Variants in USP25 observed in about 807,000 individuals in gnomAD.
USP25 encodes ubiquitin carboxyl-terminal hydrolase 25.
Under a neutral mutation model 158.5 loss-of-function variants are expected in USP25, and 85 were observed. The observed-to-expected ratio is 0.54, with a 90% confidence interval of 0.45 to 0.64. The LOEUF (loss-of-function observed/expected upper bound fraction) is 0.64. Among genes scored for constraint, USP25 ranks in the 30% least tolerant of loss-of-function variants. The pLI, the probability that USP25 is intolerant of heterozygous loss-of-function variation, is 0.00. For synonymous variants in USP25, 464 were observed against 460.4 expected (o/e 1.01, Z -0.10); for missense variants, 1,242 against 1,327.3 (o/e 0.94, Z 1.00).
At chr21:15,828,095 A>G (rs894372039) in intron 14 of USP25, among the ~76,000 whole-genome samples, 12 of 152,088 alleles carry the variant, frequency 7.9e-5, no homozygotes, top group South Asian at 4.1e-4. Flanking sequence ...TGATTGTTGG[A>G]TATTATATGA....
rs1279907982 is a variant in USP25 at position 15,762,903 on chromosome 21, T to C, written c.58T>C (p.Phe20Leu). 4 of 1,612,444 alleles carry C rather than the reference T, an allele frequency of 2.5e-6. No individual in the cohort carries two copies. Among genetic ancestry groups the C allele is most frequent in the Non-Finnish European group, 3.4e-6 (4 of 1,179,050 alleles). Residue 20 changes from phenylalanine (F) to leucine (L), a missense_variant, in exon 2 of 26, where the codon TTT becomes CTT. By Grantham distance (22) the Phe-to-Leu change is conservative. Coordinates refer to ENST00000400183, the MANE Select transcript of USP25 (RefSeq NM_001283041.3). Reference sequence around the variant, plus strand: ...TTCCTCCCTCTAGCACCAGCAGACGTTTTTGAATCAACTGAGAGAAATTAC... The same window carrying C: ...TTCCTCCCTCTAGCACCAGCAGACGCTTTTGAATCAACTGAGAGAAATTAC... ...QSAAQKHQQTFLNQLREITGI... is the reference protein window; with the variant it reads ...QSAAQKHQQTLLNQLREITGI...
At chr21:15,737,623 C>T (rs1170112017) in intron 1 of USP25, among the ~76,000 whole-genome samples, 1 of 151,862 alleles carries the variant, frequency 6.6e-6, no homozygotes, top group Admixed American at 6.6e-5. Context: ...ATTTTAAGAA[C>T]TTTTCCCTGC....
intron 17 of USP25, 52 bp downstream of exon 17, chr21:15,833,600 TAAG>T (rs2037917164): frequency 1.3e-6 from 2 of 1,483,072 alleles, no homozygotes; most frequent in African/African-American, 1.4e-5. Flanking sequence ...ATTTTTATAA[TAAG>T]ATATGCTCAT....
chr21:15,862,154 T>C (rs1425594183), intron 20 of USP25, among the ~76,000 whole-genome samples: 2 of 152,138 alleles, frequency 1.3e-5, no homozygotes, highest in Non-Finnish European at 2.9e-5. Flanking sequence ...TTTATTTTGG[T>C]CATGCTATTT....
intron 1 of USP25, among the ~76,000 whole-genome samples, chr21:15,740,139 T>G (rs532329082): frequency 5.3e-5 from 8 of 152,202 alleles, no homozygotes; most frequent in Non-Finnish European, 7.4e-5. Context: ...CTGTAGTGCT[T>G]GCTAAAAGTG....
At chr21:15,733,618 A>G (rs1388435668) in intron 1 of USP25, among the ~76,000 whole-genome samples, 2 of 152,084 alleles carry the variant, frequency 1.3e-5, no homozygotes, top group Non-Finnish European at 2.9e-5. Context: ...AGGCAGGCGG[A>G]TCACGAGGTC....
Position 15,879,902 on chromosome 21 carries a change from A to G in USP25, c.*1427A>G, listed in dbSNP as rs906064556. On this transcript the variant is annotated 3_prime_UTR_variant, in exon 26 of 26. Coordinates refer to ENST00000400183, the MANE Select transcript of USP25 (RefSeq NM_001283041.3). ...TTCCTGTTGTAAAGTTAGATTTTGC[A>G]TATTGTATCTATCAAAATATGTTTG... The G allele has an allele frequency of 3.3e-5, 5 of 152,302 alleles. No individual in the cohort carries two copies. The highest frequency in any genetic ancestry group is 7.4e-5 in the Non-Finnish European group (5 of 68,022). 9.4% of individuals were successfully genotyped at this position (152,302 alleles called of 1,614,324 possible).
At chr21:15,767,365 A>G (rs2034100678) in intron 3 of USP25, among the ~76,000 whole-genome samples, 2 of 152,016 alleles carry the variant, frequency 1.3e-5, no homozygotes. Flanking sequence ...TGCTTGCTGG[A>G]GAATGTTTTT....
chr21:15,857,797 T>C (rs2039228345), intron 20 of USP25, among the ~76,000 whole-genome samples: 1 of 152,090 alleles, frequency 6.6e-6, no homozygotes, highest in African/African-American at 2.4e-5. Context: ...AAATTTTAAT[T>C]CTGCTGCTTT....
chr21:15,849,790 C>T lies in USP25; in HGVS notation c.2465C>T (p.Pro822Leu), dbSNP rs200968968. 5,957 of 1,531,326 alleles carry T rather than the reference C, an allele frequency of 3.9e-3. 11 individuals carry two copies. The highest frequency in any genetic ancestry group is 4.9e-3 in the Non-Finnish European group (5,554 of 1,138,634). 94.9% of individuals were successfully genotyped at this position (1,531,326 alleles called of 1,614,324 possible). ...CTTCTGTGGCAGATCATGATGACAC[C>T]GAACATGCAAGGTATTATCATGGCG... is the stretch of plus-strand genomic sequence containing the variant. ...GGYDDEIMMT[P>L]NMQGIIMAIG... The change falls in exon 20 of 26, where the codon CCG (proline) becomes CTG (leucine). Residue 822 changes from proline to leucine, a missense_variant. This residue lies in a region of USP25 where 608 missense variants were observed against 605.2 expected (regional missense o/e 1.00). Transcript: ENST00000400183.
chr21:15,759,449 A>G (rs932307450), intron 1 of USP25, among the ~76,000 whole-genome samples: 4 of 151,858 alleles, frequency 2.6e-5, no homozygotes, highest in Admixed American at 2.6e-4. Flanking sequence ...AAGGATACAT[A>G]ATATATCAGT....
intron 17 of USP25, 72 bp downstream of exon 17, chr21:15,833,620 A>G: frequency 1.4e-6 from 2 of 1,380,098 alleles, no homozygotes; most frequent in Admixed American, 2.4e-5. Context: ...TCATTATTAA[A>G]AAGTTTTAGC....
At chr21:15,755,845 T>C (rs952030930) in intron 1 of USP25, among the ~76,000 whole-genome samples, 1 of 152,186 alleles carries the variant, frequency 6.6e-6, no homozygotes, top group African/African-American at 2.4e-5. Context: ...GATTGAAGCC[T>C]GAATCCCCTC....
intron 16 of USP25, 141 bp from the exon 17 acceptor site, chr21:15,833,207 A>C: frequency 1.4e-6 from 1 of 713,260 alleles, no homozygotes; most frequent in Non-Finnish European, 2.3e-6. Flanking sequence ...TTTGCTAAGC[A>C]ATAGTAATTC....
At chr21:15,839,699 A>G (rs1421046901) in intron 17 of USP25, among the ~76,000 whole-genome samples, 1 of 152,048 alleles carries the variant, frequency 6.6e-6, no homozygotes, top group Non-Finnish European at 1.5e-5. Context: ...GTCTTCTTTG[A>G]CAGTTTTTTT....
chr21:15,768,128 A>G lies in USP25; in HGVS notation c.268+1987A>G, dbSNP rs114629348. ...TTTCCACTTGAAATAATGTAGAGAA[A>G]TGAAGTTTCTGATGTCATCTCAACC... On this transcript the variant is annotated intron_variant, in intron 3 of 25. Coordinates refer to ENST00000400183, the MANE Select transcript of USP25 (RefSeq NM_001283041.3). 2.4e-3 allele frequency among the ~76,000 whole-genome samples: 358 copies of G among 152,198 alleles called. 4 individuals carry two copies. Among genetic ancestry groups the G allele is most frequent in the African/African-American group, 8.3e-3 (346 of 41,546 alleles).
intron 5 of USP25, among the ~76,000 whole-genome samples, chr21:15,797,457 T>G (rs537580617): frequency 6.6e-6 from 1 of 151,428 alleles, no homozygotes; most frequent in South Asian, 2.1e-4. Context: ...AAGTCACACA[T>G]AAGCAGAAAT....
chr21:15,821,972 C>T (rs2031807976), intron 10 of USP25, among the ~76,000 whole-genome samples: 1 of 151,694 alleles, frequency 6.6e-6, no homozygotes. Context: ...TATGTAAGTT[C>T]TTTATTCACT....
At chr21:15,753,380 G>A (rs1374558444) in intron 1 of USP25, among the ~76,000 whole-genome samples, 1 of 152,232 alleles carries the variant, frequency 6.6e-6, no homozygotes, top group Non-Finnish European at 1.5e-5. Context: ...AAGGTAGGAG[G>A]TTGTAAACAG....
Sources: allele counts gnomAD v4.1 joint callset (sites outside exome capture counted in the v4.1 genomes callset), GRCh38; gene constraint gnomAD v4.1.1; regional missense constraint gnomAD v4.1.1; transcripts MANE v1.5; gene names NCBI Gene and HGNC (gene_info 2026-07-23, HGNC 2026-07-21).